The following RALGPS1 variants were observed in gnomAD, a reference collection of about 807,000 sequenced individuals.
RALGPS1 encodes the protein Ral GEF with PH domain and SH3 binding motif 1.
In RALGPS1, 19 loss-of-function variants were observed where a neutral mutation model predicts 78.8. The ratio of observed to expected loss-of-function variants is 0.24; its 90% CI spans 0.17 to 0.35. The LOEUF (loss-of-function observed/expected upper bound fraction) is 0.35. Ranked by LOEUF, RALGPS1 falls within the 10% of genes least tolerant of loss-of-function variation. The pLI, the probability that RALGPS1 is intolerant of heterozygous loss-of-function variation, is 1.00. For synonymous variants in RALGPS1, 228 were observed against 256.3 expected (o/e 0.89, Z 1.06); for missense variants, 454 against 688.3 (o/e 0.66, Z 3.81).
intron 3 of RALGPS1, among the ~76,000 whole-genome samples, chr9:126,968,641 T>C (rs757592778): frequency 6.6e-6 from 1 of 152,242 alleles, no homozygotes; most frequent in Non-Finnish European, 1.5e-5. Context: ...GAAAGTCGTC[T>C]CTTCACACAG....
At chr9:127,025,650 C>T (rs969210159) in intron 4 of RALGPS1, among the ~76,000 whole-genome samples, 6 of 152,246 alleles carry the variant, frequency 3.9e-5, no homozygotes, top group Admixed American at 3.9e-4. Flanking sequence ...GTTTACTTGC[C>T]ATCCACGCAT....
At chr9:127,158,260 C>A (rs1033884364) in intron 8 of RALGPS1, among the ~76,000 whole-genome samples, 1 of 151,840 alleles carries the variant, frequency 6.6e-6, no homozygotes, top group South Asian at 2.1e-4. Context: ...AAAGTAATTG[C>A]AGTTTCTGCG....
intron 4 of RALGPS1, among the ~76,000 whole-genome samples, chr9:127,001,353 TTTAA>T (rs2043292662): frequency 6.6e-6 from 1 of 152,158 alleles, no homozygotes; most frequent in Non-Finnish European, 1.5e-5. Flanking sequence ...CTGACTTCTT[TTTAA>T]TTAATTGAGC....
intron 7 of RALGPS1, among the ~76,000 whole-genome samples, chr9:127,058,520 C>T (rs1028525958): frequency 2.0e-5 from 3 of 151,882 alleles, no homozygotes; most frequent in African/African-American, 4.8e-5. Flanking sequence ...AGGCTGATAT[C>T]GGATATGTTG....
chr9:127,150,996 A>G (rs1434806181), intron 8 of RALGPS1, among the ~76,000 whole-genome samples: 6 of 152,120 alleles, frequency 3.9e-5, no homozygotes, highest in Non-Finnish European at 2.9e-5. Flanking sequence ...ATCCTGGCCA[A>G]CATGGTGAAA....
intron 8 of RALGPS1, among the ~76,000 whole-genome samples, chr9:127,126,678 T>A (rs72764388): frequency 0.025 from 3,779 of 152,380 alleles, 68 homozygotes; most frequent in Middle Eastern, 0.061. Context: ...CTACAATGTT[T>A]GGTTCTAGAA....
intron 11 of RALGPS1, among the ~76,000 whole-genome samples, chr9:127,182,332 G>GCCTT (rs1403027794): frequency 1.3e-4 from 18 of 133,574 alleles, no homozygotes; most frequent in African/African-American, 4.0e-4. Flanking sequence ...CTTCCTTCCT[G>GCCTT]CCTTCCTTCC....
Position 127,218,622 on chromosome 9 carries a change from C to A in RALGPS1, c.1645-118C>A. On this transcript the variant is annotated intron_variant, in intron 18 of 18. Transcript: ENST00000259351. The surrounding 1 kb of genome is among the most constrained non-coding windows in gnomAD (Gnocchi z 4.4). ...TTGTTATTGCCATACCCTCTCCCTACCCAACCTGCTCATTCCCAGACTCAC... is the reference window on the plus strand; with the variant it reads ...TTGTTATTGCCATACCCTCTCCCTAACCAACCTGCTCATTCCCAGACTCAC... 9.2e-7 allele frequency: 1 copy of A among 1,088,988 alleles called. No homozygotes were observed. The highest frequency in any genetic ancestry group is 1.4e-6 in the Non-Finnish European group (1 of 703,378). The allele number at this position is 1,088,988 out of a possible 1,614,324, so 67.5% of individuals were successfully genotyped here. A position where few individuals can be genotyped will look rare whatever the true frequency, so the allele number is the denominator to read the frequency against.
chr9:127,197,733 G>A (rs1037610426), intron 13 of RALGPS1, among the ~76,000 whole-genome samples: 5 of 152,208 alleles, frequency 3.3e-5, no homozygotes, highest in African/African-American at 7.2e-5. Flanking sequence ...CCGGGGTTAC[G>A]AGGTGTGCCT....
chr9:126,987,741 C>A (rs1419506935), intron 4 of RALGPS1, among the ~76,000 whole-genome samples: 2 of 151,578 alleles, frequency 1.3e-5, no homozygotes, highest in Non-Finnish European at 2.9e-5. Flanking sequence ...TCCCAGTAGT[C>A]AGCTCTGCCT....
intron 1 of RALGPS1, among the ~76,000 whole-genome samples, chr9:126,946,340 C>G (rs1284537428): frequency 6.6e-6 from 1 of 152,090 alleles, no homozygotes; most frequent in African/African-American, 2.4e-5. Context: ...TCGAGACCAT[C>G]CTGGCCAATG....
At chr9:127,174,465 G>T (rs546350295) in intron 10 of RALGPS1, among the ~76,000 whole-genome samples, 96 of 152,156 alleles carry the variant, frequency 6.3e-4, no homozygotes, top group African/African-American at 2.2e-3. Context: ...AAAATGTACT[G>T]GTTCAGAGTG....
intron 8 of RALGPS1, among the ~76,000 whole-genome samples, chr9:127,128,764 G>A (rs1220364638): frequency 6.6e-6 from 1 of 152,206 alleles, no homozygotes; most frequent in East Asian, 1.9e-4. Flanking sequence ...CTCTGGTGAG[G>A]AGAAGTTAGG....
At chr9:127,118,278 C>T (rs2055655451) in intron 8 of RALGPS1, among the ~76,000 whole-genome samples, 1 of 152,210 alleles carries the variant, frequency 6.6e-6, no homozygotes, top group South Asian at 2.1e-4. Context: ...TGAACTCAGT[C>T]ATATGGCTCA....
At chr9:127,203,203 C>A (rs2061738004) in intron 14 of RALGPS1, among the ~76,000 whole-genome samples, 1 of 152,192 alleles carries the variant, frequency 6.6e-6, no homozygotes, top group Non-Finnish European at 1.5e-5. Flanking sequence ...AAAATAGAGT[C>A]TCACTCATCC....
intron 8 of RALGPS1, among the ~76,000 whole-genome samples, chr9:127,101,755 C>A (rs1432158510): frequency 1.3e-5 from 2 of 152,120 alleles, no homozygotes; most frequent in African/African-American, 4.8e-5. Context: ...TTCATTTGGA[C>A]CCTACTCTAG....
intron 8 of RALGPS1, among the ~76,000 whole-genome samples, chr9:127,144,282 T>C (rs908390945): frequency 1.3e-5 from 2 of 152,202 alleles, no homozygotes; most frequent in African/African-American, 4.8e-5. Context: ...ACCCCAGCGG[T>C]GGCCCTCATG....
chr9:127,046,069 C>A (rs1156401437), intron 5 of RALGPS1, among the ~76,000 whole-genome samples: 4 of 152,102 alleles, frequency 2.6e-5, no homozygotes, highest in Non-Finnish European at 5.9e-5. Context: ...ATGCAGGAGC[C>A]AACTGAAAGA....
chr9:126,948,961 C>G (rs1300303460), intron 1 of RALGPS1, among the ~76,000 whole-genome samples: 2 of 151,504 alleles, frequency 1.3e-5, no homozygotes, highest in Non-Finnish European at 2.9e-5. Context: ...TGCTATCCCT[C>G]CCCCCTACCC....
Sources: gnomAD v4.1 joint callset for allele counts (sites outside exome capture counted in the v4.1 genomes callset) on GRCh38, gnomAD v4.1.1 for gene constraint, Gnocchi (gnomAD v3.1) non-coding constraint, MANE v1.5 for transcripts, NCBI Gene and HGNC (gene_info 2026-07-23, HGNC 2026-07-21) for gene names.